The following ANKRD45 variants were observed in gnomAD, a reference collection of about 807,000 sequenced individuals.
ANKRD45 encodes ankyrin repeat domain-containing protein 45.
A neutral mutation model predicts 28.1 loss-of-function variants in ANKRD45; 21 were observed. The observed-to-expected ratio is 0.75, with a 90% CI of 0.53 to 1.08. ANKRD45 has a LOEUF of 1.08. Among genes scored for constraint, ANKRD45 ranks in the 50% least tolerant of loss-of-function variants. The pLI is 0.00. For missense variants in ANKRD45, 261 were observed against 308.7 expected (o/e 0.85, Z 1.16); for synonymous variants, 86 against 103.9 (o/e 0.83, Z 1.05).
At chr1:173,700,550 T>C in the ANKRD45 span, among the ~76,000 whole-genome samples, 5 of 152,126 alleles carry the variant, frequency 3.3e-5, no homozygotes, top group Non-Finnish European at 7.4e-5. Context: ...TTGGACAACC[T>C]GACAAAAACA....
At chr1:173,625,065 C>A (rs1307444218) in intron 4 of ANKRD45, 140 bp from the exon 5 acceptor site, 1 of 782,764 alleles carries the variant, frequency 1.3e-6, no homozygotes, top group East Asian at 2.7e-5. Flanking sequence ...ATACAGTAGC[C>A]ATTAGATATA....
At chr1:173,623,851 A>C (rs1395339296) in intron 5 of ANKRD45, among the ~76,000 whole-genome samples, 1 of 151,388 alleles carries the variant, frequency 6.6e-6, no homozygotes, top group African/African-American at 2.4e-5. Context: ...CAGCAAACTA[A>C]TGCAGGAACA....
rs567927706 is a variant in ANKRD45, at chr1:173,642,973, C to A, written c.496+3873G>T. On this transcript the variant is annotated intron_variant, in intron 3 of 5. Coordinates refer to ENST00000333279, the MANE Select transcript of ANKRD45 (RefSeq NM_198493.3). ...ACCCTTTCTGCAGAAAGTAAACTAG[C>A]CTTGCTGAGAGATCCTTTGTCTCAG... Among the ~76,000 whole-genome samples the A allele has an allele frequency of 5.9e-5, 9 of 152,162 alleles. 1 individual carries two copies. The highest frequency in any genetic ancestry group is 9.7e-5 in the African/African-American group (4 of 41,436).
intron 5 of ANKRD45, chr1:173,612,749 C>G (rs1667226467): frequency 6.4e-6 from 1 of 156,044 alleles, no homozygotes; most frequent in African/African-American, 2.4e-5. Context: ...CGCCGCCACG[C>G]CTGACTGGTT....
chr1:173,684,108 G>C, the ANKRD45 span, among the ~76,000 whole-genome samples: 1 of 151,998 alleles, frequency 6.6e-6, no homozygotes, highest in African/African-American at 2.4e-5. Context: ...TGGAGCAGCT[G>C]ATCGGAATGA....
Position 173,627,993 on chromosome 1 carries a change from C to T in ANKRD45, c.497-834G>A, listed in dbSNP as rs538233899. On this transcript the variant is annotated intron_variant, in intron 3 of 5. Coordinates refer to ENST00000333279, the MANE Select transcript of ANKRD45 (RefSeq NM_198493.3). ...CTGAGGCCCCCATTCCAGGCCCTAA[C>T]TCCAAAGTGGTATTTCTAGACACAT... is the stretch of plus-strand genomic sequence containing the variant. 1.0e-3 allele frequency among the ~76,000 whole-genome samples: 157 copies of T among 151,192 alleles called. 1 individual carries two copies. The highest frequency in any genetic ancestry group is 4.2e-3 in the Admixed American group (63 of 15,160).
At chr1:173,648,874 A>G (rs1452239932) in intron 2 of ANKRD45, among the ~76,000 whole-genome samples, 2 of 152,160 alleles carry the variant, frequency 1.3e-5, no homozygotes, top group African/African-American at 2.4e-5. Context: ...ATTTTTATAG[A>G]TGAAGAAACC....
upstream of ANKRD45, among the ~76,000 whole-genome samples, chr1:173,673,238 G>A (rs1167911202): frequency 2.6e-5 from 4 of 151,588 alleles, no homozygotes; most frequent in Admixed American, 6.6e-5. Context: ...AGCCTCCCAA[G>A]TAGCTGGGAT....
At chr1:173,694,835 G>A in the ANKRD45 span, among the ~76,000 whole-genome samples, 14 of 152,034 alleles carry the variant, frequency 9.2e-5, no homozygotes, top group Admixed American at 5.2e-4. Context: ...CATAACCATG[G>A]AATTTAAGGA....
At chr1:173,636,883 C>T (rs1359657264) in intron 3 of ANKRD45, 1 of 1,535,814 alleles carries the variant, frequency 6.5e-7, no homozygotes, top group Non-Finnish European at 8.7e-7. Context: ...GCCCATTGAT[C>T]AACAACATTG....
the ANKRD45 span, among the ~76,000 whole-genome samples, chr1:173,685,655 G>A: frequency 5.3e-5 from 8 of 152,100 alleles, no homozygotes; most frequent in African/African-American, 1.9e-4. Context: ...TCTTGGTCTT[G>A]TTGTTAGATG....
chr1:173,629,298 AAACT>A (rs1469897482), intron 3 of ANKRD45, among the ~76,000 whole-genome samples: 3 of 152,194 alleles, frequency 2.0e-5, no homozygotes, highest in African/African-American at 4.8e-5. Flanking sequence ...CTCATCAAAC[AAACT>A]AAGTAAGGCC....
At chr1:173,619,957 A>C (rs1264373259) in intron 5 of ANKRD45, among the ~76,000 whole-genome samples, 1 of 152,212 alleles carries the variant, frequency 6.6e-6, no homozygotes, top group Admixed American at 6.5e-5. Context: ...TCATAAAACA[A>C]GTTCTTAGAA....
At chr1:173,684,874 GT>G in the ANKRD45 span, among the ~76,000 whole-genome samples, 1 of 152,186 alleles carries the variant, frequency 6.6e-6, no homozygotes, top group Non-Finnish European at 1.5e-5. Context: ...GGTTGTAGAT[GT>G]AGTTTATCCA....
chr1:173,646,761 T>TG (rs1571746099), intron 3 of ANKRD45, 85 bp downstream of exon 3: 7 of 1,359,968 alleles, frequency 5.1e-6, no homozygotes, highest in Non-Finnish European at 7.1e-6. Flanking sequence ...CAAAACACTG[T>TG]GAAAAAAGGT....
At chr1:173,711,079 T>C in the ANKRD45 span, among the ~76,000 whole-genome samples, 1 of 152,130 alleles carries the variant, frequency 6.6e-6, no homozygotes, top group Non-Finnish European at 1.5e-5. Context: ...AACTAAACCT[T>C]AGGTCCAACC....
At chr1:173,638,453 G>A (rs1207176132) in intron 3 of ANKRD45, among the ~76,000 whole-genome samples, 1 of 152,078 alleles carries the variant, frequency 6.6e-6, no homozygotes, top group Admixed American at 6.6e-5. Context: ...AGTAGGAGAG[G>A]TTGAGCCACC....
the ANKRD45 span, among the ~76,000 whole-genome samples, chr1:173,692,491 G>A: frequency 6.6e-6 from 1 of 152,280 alleles, no homozygotes; most frequent in Non-Finnish European, 1.5e-5. Flanking sequence ...ACTTTGAATA[G>A]AATGGGAGGC....
At chr1:173,625,347 A>T (rs1667886229) in intron 4 of ANKRD45, among the ~76,000 whole-genome samples, 1 of 152,146 alleles carries the variant, frequency 6.6e-6, no homozygotes, top group Non-Finnish European at 1.5e-5. Context: ...CCAGAAAAGA[A>T]TGGGTGGATG....
Sources: allele counts gnomAD v4.1 joint callset (sites outside exome capture counted in the v4.1 genomes callset), GRCh38; gene constraint gnomAD v4.1.1; transcripts MANE v1.5; gene names NCBI Gene and HGNC (gene_info 2026-07-23, HGNC 2026-07-21).